The following APAF1 variants were observed in gnomAD, a reference collection of about 807,000 sequenced individuals.
APAF1 encodes the protein apoptotic peptidase activating factor 1.
A neutral mutation model predicts 152.4 loss-of-function variants in APAF1; 91 were observed. That is an observed-to-expected ratio of 0.60 (90% CI 0.50 to 0.71). The LOEUF (loss-of-function observed/expected upper bound fraction) is 0.71, where lower values mean the gene tolerates loss of function less well. APAF1 is among the 30% of genes least tolerant of loss of function. The probability of loss-of-function intolerance (pLI) is 0.00; values close to 1 mark genes in which losing one functional copy is unlikely to be tolerated. For missense variants in APAF1, 1,283 were observed against 1,472.0 expected (o/e 0.87, Z 2.10); for synonymous variants, 484 against 494.1 (o/e 0.98, Z 0.27).
At chr12:98,706,119 TG>T (rs1252644168) in intron 18 of APAF1, among the ~76,000 whole-genome samples, 1 of 152,212 alleles carries the variant, frequency 6.6e-6, no homozygotes, top group African/African-American at 2.4e-5. Flanking sequence ...AAGATAGTAG[TG>T]TATAGTATAT....
At chr12:98,673,362 G>A (rs1165992440) in intron 12 of APAF1, among the ~76,000 whole-genome samples, 1 of 151,168 alleles carries the variant, frequency 6.6e-6, no homozygotes, top group East Asian at 2.0e-4. Flanking sequence ...TTTGAACCTG[G>A]GAGGCAGAGA....
At chr12:98,663,453 A>G (rs1326268136) in intron 7 of APAF1, among the ~76,000 whole-genome samples, 1 of 152,068 alleles carries the variant, frequency 6.6e-6, no homozygotes, top group Non-Finnish European at 1.5e-5. Context: ...GCCTCAAATG[A>G]TCCTCCTGCC....
chr12:98,649,339 T>C, intron 3 of APAF1, 148 bp from the exon 4 acceptor site: 2 of 1,296,524 alleles, frequency 1.5e-6, no homozygotes, highest in Non-Finnish European at 1.1e-6. Flanking sequence ...AATCAGAAAA[T>C]TGAAGTTAAT....
At chr12:98,662,641 ATTAC>A (rs2097667022) in intron 6 of APAF1, 30 bp from the exon 7 acceptor site, 3 of 1,611,876 alleles carry the variant, frequency 1.9e-6, no homozygotes, top group Non-Finnish European at 1.7e-6. Flanking sequence ...GACATACCAA[ATTAC>A]TTACTTTGTC....
chr12:98,671,856 AT>A, intron 12 of APAF1, 137 bp downstream of exon 12: 1 of 804,830 alleles, frequency 1.2e-6, no homozygotes, highest in South Asian at 1.5e-5. Flanking sequence ...ATTCTTACTT[AT>A]TGAAAAGTTC....
intron 4 of APAF1, among the ~76,000 whole-genome samples, chr12:98,650,774 G>C (rs2097647971): frequency 6.6e-6 from 1 of 152,084 alleles, no homozygotes; most frequent in Non-Finnish European, 1.5e-5. Context: ...TCAAGTCTCA[G>C]AGCCAAGGAT....
chr12:98,700,877 CTCATT>C (rs1298846853), intron 17 of APAF1, among the ~76,000 whole-genome samples: 9 of 152,200 alleles, frequency 5.9e-5, no homozygotes, highest in Non-Finnish European at 1.0e-4. Context: ...TTGTGTCTGA[CTCATT>C]TCATTGAGCA....
At chr12:98,645,869 A>G (rs1565849084) in intron 1 of APAF1, 34 bp downstream of exon 1, 1 of 152,246 alleles carries the variant, frequency 6.6e-6, no homozygotes, top group African/African-American at 2.4e-5. Flanking sequence ...TCCCCGAGCC[A>G]GGTTCTTTGG....
chr12:98,685,840 G>A (rs2097697455), intron 15 of APAF1, among the ~76,000 whole-genome samples: 1 of 151,612 alleles, frequency 6.6e-6, no homozygotes, highest in Admixed American at 6.6e-5. Flanking sequence ...TTTTGCTATG[G>A]TGGTCAGGCT....
chr12:98,666,135 A>G (rs2097672399), intron 8 of APAF1, 55 bp from the exon 9 acceptor site: 13 of 1,522,578 alleles, frequency 8.5e-6, no homozygotes, highest in South Asian at 4.5e-5. Flanking sequence ...ATACCTGTCT[A>G]CAGTCCTGGT....
intron 7 of APAF1, among the ~76,000 whole-genome samples, chr12:98,663,086 T>C (rs1039900685): frequency 5.9e-5 from 9 of 152,228 alleles, no homozygotes; most frequent in East Asian, 5.8e-4. Context: ...GAGTTAAAAA[T>C]AGAGTGAGAA....
chr12:98,665,278 A>ATATATATATATATATATATATATATATTT (rs1491316422), intron 7 of APAF1, among the ~76,000 whole-genome samples: 3 of 65,984 alleles, frequency 4.5e-5, no homozygotes, highest in Non-Finnish European at 8.8e-5. Flanking sequence ...ATATATATAT[A>ATATATATATATATATATATATATATATTT]TTTTTTTTTT....
intron 20 of APAF1, 41 bp from the exon 21 acceptor site, chr12:98,712,276 GCT>G: frequency 9.1e-7 from 1 of 1,097,868 alleles, no homozygotes; most frequent in Non-Finnish European, 1.4e-6. Context: ...AACAAAAACT[GCT>G]CTTACAGCCT....
chr12:98,687,361 C>CAAA (rs58734555), intron 16 of APAF1, among the ~76,000 whole-genome samples: 2 of 92,136 alleles, frequency 2.2e-5, no homozygotes, highest in Non-Finnish European at 4.6e-5. Flanking sequence ...GACTCCGTCT[C>CAAA]AAAAAAAAAA....
At chr12:98,675,433 G>A (rs2097685451) in intron 12 of APAF1, among the ~76,000 whole-genome samples, 1 of 152,094 alleles carries the variant, frequency 6.6e-6, no homozygotes. Flanking sequence ...CATCACTCTA[G>A]TTCTTATATT....
intron 14 of APAF1, among the ~76,000 whole-genome samples, chr12:98,681,761 A>T (rs1159283791): frequency 6.6e-6 from 1 of 152,192 alleles, no homozygotes; most frequent in African/African-American, 2.4e-5. Flanking sequence ...GGCAGTTCTA[A>T]AGTCAGAGCT....
At chr12:98,670,917 C>T (rs2097679323) in intron 10 of APAF1, 56 bp from the exon 11 acceptor site, 3 of 998,334 alleles carry the variant, frequency 3.0e-6, no homozygotes, top group African/African-American at 1.6e-5. Context: ...TGATGTTATA[C>T]CTAAAATTTT....
Position 98,707,692 on chromosome 12 carries a change from C to CTATATATATATATATATATATATATA in APAF1, c.2722-873_2722-872insTATATATATATATATATATATATATA, listed in dbSNP as rs10668292. Among the ~76,000 whole-genome samples the CTATATATATATATATATATATATATA allele has an allele frequency of 5.2e-3, 726 of 139,050 alleles. 7 individuals are homozygous for CTATATATATATATATATATATATATA. Among genetic ancestry groups the CTATATATATATATATATATATATATA allele is most frequent in the South Asian group, 0.013 (52 of 4,060 alleles). The allele number at this position is 139,050 out of a possible 152,430, so 91.2% of individuals were successfully genotyped here. ...TATATTCAAGACATTATGCAAAGTACTATATATATATATATATATACATAT... is the reference window on the plus strand; with the variant it reads ...TATATTCAAGACATTATGCAAAGTACTATATATATATATATATATATATATATATATATATATATATATATACATAT... On this transcript the variant is annotated intron_variant, in intron 19 of 26. Transcript: ENST00000551964.
chr12:98,684,741 A>G (rs148968107), intron 15 of APAF1, among the ~76,000 whole-genome samples: 19 of 152,278 alleles, frequency 1.2e-4, no homozygotes, highest in African/African-American at 4.6e-4. Context: ...TACCACTAAA[A>G]AAAAATAAGA....
Sources: gnomAD v4.1 joint callset for allele counts (sites outside exome capture counted in the v4.1 genomes callset) on GRCh38, gnomAD v4.1.1 for gene constraint, MANE v1.5 for transcripts, NCBI Gene and HGNC (gene_info 2026-07-23, HGNC 2026-07-21) for gene names.